The following LRP1B variants were observed in gnomAD, a reference collection of about 807,000 sequenced individuals.
LRP1B encodes low-density lipoprotein receptor-related protein 1B.
In LRP1B, 217 loss-of-function variants were observed where a neutral mutation model predicts 556.6. The observed-to-expected ratio is 0.39, with a 90% CI of 0.35 to 0.44. The LOEUF is 0.44. Ranked by LOEUF, LRP1B falls within the 20% of genes least tolerant of loss-of-function variation. LRP1B has a pLI of 1.00. For missense variants in LRP1B, 5,053 were observed against 5,620.8 expected, an observed-to-expected ratio of 0.90 and a Z score of 3.23; for synonymous variants, 2,047 against 1,865.8, an observed-to-expected ratio of 1.10 and a Z score of -2.50.
At position 141,519,736 on chromosome 2, in the gene LRP1B, G is replaced by A. The variant is rs78241164; in HGVS notation, c.206-39203C>T. On this transcript the variant is annotated intron_variant, in intron 2 of 90. Transcript: ENST00000389484. ...ATATATGTAGACCTGTACTCAATGT[G>A]TTGGCTGTAAGGAAAACAGAAATTC... Among the ~76,000 whole-genome samples the A allele has an allele frequency of 1.6e-3, 246 of 152,134 alleles. 1 individual carries two copies. The highest frequency in any genetic ancestry group is 5.7e-3 in the African/African-American group (237 of 41,534).
chr2:140,825,188 T>C (rs1337125781), intron 31 of LRP1B, among the ~76,000 whole-genome samples: 4 of 151,936 alleles, frequency 2.6e-5, no homozygotes, highest in Non-Finnish European at 5.9e-5. Flanking sequence ...TAGATAGGAG[T>C]GAGTGAACTA....
At chr2:140,481,851 G>C (rs558421494) in intron 59 of LRP1B, among the ~76,000 whole-genome samples, 1 of 151,940 alleles carries the variant, frequency 6.6e-6, no homozygotes, top group East Asian at 1.9e-4. Flanking sequence ...TGTTTAATTT[G>C]TTCCAACTGT....
rs577185331 is a variant in LRP1B, at chr2:141,289,278, A to T, written c.344-34637T>A. 2.8e-3 allele frequency among the ~76,000 whole-genome samples: 408 copies of T among 145,074 alleles called. 1 individual carries two copies. Among genetic ancestry groups the T allele is most frequent in the Admixed American group, 4.3e-3 (59 of 13,860 alleles). On this transcript the variant is annotated intron_variant, in intron 3 of 90. Coordinates refer to ENST00000389484, the MANE Select transcript of LRP1B (RefSeq NM_018557.3). ...GTGCCTGCAGTCCCAGCTACTGGGG[A>T]GGCTGAGGCAGGAGAATGGCGTGAA...
intron 1 of LRP1B, among the ~76,000 whole-genome samples, chr2:141,833,744 GA>G (rs34151747): frequency 1.3e-5 from 2 of 149,904 alleles, no homozygotes; most frequent in South Asian, 2.1e-4. Context: ...GTAGCCAACG[GA>G]AAAAAAAATA....
chr2:140,540,326 T>A (rs1680088421), intron 45 of LRP1B, among the ~76,000 whole-genome samples: 1 of 152,178 alleles, frequency 6.6e-6, no homozygotes, highest in South Asian at 2.1e-4. Context: ...TTAACCTTTT[T>A]TAAATTTTGC....
intron 3 of LRP1B, among the ~76,000 whole-genome samples, chr2:141,328,452 T>G (rs569756178): frequency 2.6e-5 from 4 of 152,214 alleles, no homozygotes; most frequent in Non-Finnish European, 5.9e-5. Flanking sequence ...TCTCTCCTCA[T>G]GCTCAATCCT....
At chr2:141,033,519 G>T (rs1558813787) in intron 11 of LRP1B, among the ~76,000 whole-genome samples, 2 of 144,106 alleles carry the variant, frequency 1.4e-5, no homozygotes, top group Non-Finnish European at 1.5e-5. Context: ...CATCTGCTAT[G>T]GACTGAATGT....
chr2:141,279,437 C>T (rs72979281), intron 3 of LRP1B, among the ~76,000 whole-genome samples: 3 of 151,980 alleles, frequency 2.0e-5, no homozygotes, highest in Non-Finnish European at 4.4e-5. Context: ...GAAGTGATTA[C>T]TCAAAGAGTT....
Position 141,028,233 on chromosome 2 carries a change from A to G in LRP1B, c.1790-8131T>C, listed in dbSNP as rs141604099. 1.2e-3 allele frequency among the ~76,000 whole-genome samples: 179 copies of G among 151,850 alleles called. 1 individual carries two copies. Among genetic ancestry groups the G allele is most frequent in the African/African-American group, 4.1e-3 (170 of 41,498 alleles). On this transcript the variant is annotated intron_variant, in intron 11 of 90. Coordinates refer to ENST00000389484, the MANE Select transcript of LRP1B (RefSeq NM_018557.3). ...TGATATTAATAATATATTTTATAAC[A>G]ATTGTGGTATAATAAGATAAATAAA...
chr2:142,031,339 T>TCTAAAAAAAAAATGACATA (rs1703697676), intron 1 of LRP1B, among the ~76,000 whole-genome samples: 1 of 138,212 alleles, frequency 7.2e-6, no homozygotes, highest in African/African-American at 2.6e-5. Context: ...TATTTTTTTT[T>TCTAAAAAAAAAATGACATA]TTTTTTTTTA....
intron 7 of LRP1B, among the ~76,000 whole-genome samples, chr2:141,089,534 A>C (rs1405486900): frequency 6.6e-6 from 1 of 152,226 alleles, no homozygotes; most frequent in African/African-American, 2.4e-5. Context: ...GTTTAACAGG[A>C]AAATTATAAG....
intron 7 of LRP1B, among the ~76,000 whole-genome samples, chr2:141,117,705 A>G (rs972051368): frequency 6.6e-6 from 1 of 152,162 alleles, no homozygotes; most frequent in African/African-American, 2.4e-5. Context: ...TTGAAGAGCA[A>G]TGCTTTAGTG....
intron 37 of LRP1B, among the ~76,000 whole-genome samples, chr2:140,713,321 T>C (rs1206393918): frequency 1.7e-5 from 2 of 115,070 alleles, no homozygotes; most frequent in South Asian, 2.6e-4. Flanking sequence ...GAAAAAGGTA[T>C]AGAATTTTTT....
intron 41 of LRP1B, among the ~76,000 whole-genome samples, chr2:140,609,467 A>G (rs532157414): frequency 1.3e-5 from 2 of 152,276 alleles, no homozygotes; most frequent in South Asian, 4.1e-4. Context: ...TAAATTCCAT[A>G]CGTACGTCCA....
intron 2 of LRP1B, among the ~76,000 whole-genome samples, chr2:141,713,580 C>CT (rs1692455744): frequency 6.6e-6 from 1 of 152,108 alleles, no homozygotes; most frequent in African/African-American, 2.4e-5. Context: ...ATATACAAAG[C>CT]TTTTTGTGAG....
At chr2:141,450,190 C>G (rs1011368931) in intron 3 of LRP1B, among the ~76,000 whole-genome samples, 3 of 152,164 alleles carry the variant, frequency 2.0e-5, no homozygotes, top group African/African-American at 4.8e-5. Context: ...AAGCATTGCA[C>G]ACTTTCTATC....
chr2:141,297,497 A>C (rs1390220646), intron 3 of LRP1B, among the ~76,000 whole-genome samples: 1 of 152,146 alleles, frequency 6.6e-6, no homozygotes, highest in Admixed American at 6.5e-5. Flanking sequence ...AAGGTTAACT[A>C]TTCAGAAAAA....
At chr2:141,376,070 C>T (rs1463187079) in intron 3 of LRP1B, among the ~76,000 whole-genome samples, 1 of 152,142 alleles carries the variant, frequency 6.6e-6, no homozygotes, top group Non-Finnish European at 1.5e-5. Context: ...AGAGGAGTGC[C>T]ATGTCTCCCT....
intron 16 of LRP1B, among the ~76,000 whole-genome samples, chr2:140,992,282 G>A (rs1380978211): frequency 6.6e-6 from 1 of 152,050 alleles, no homozygotes; most frequent in African/African-American, 2.4e-5. Context: ...ATGGATTGAA[G>A]AGTGATGATA....
Sources: allele counts gnomAD v4.1 joint callset (sites outside exome capture counted in the v4.1 genomes callset), GRCh38; gene constraint gnomAD v4.1.1; transcripts MANE v1.5; gene names NCBI Gene and HGNC (gene_info 2026-07-23, HGNC 2026-07-21).